Variants in CCDC83 observed in about 807,000 individuals in gnomAD.
CCDC83 encodes coiled-coil domain-containing protein 83.
In CCDC83, 54 loss-of-function variants were observed where a neutral mutation model predicts 50.1. The observed-to-expected ratio is 1.08, with a 90% CI of 0.87 to 1.35. The LOEUF (loss-of-function observed/expected upper bound fraction) is 1.35, where lower values mean the gene tolerates loss of function less well. CCDC83 is among the 40% of genes most tolerant of loss of function. CCDC83 has a pLI of 0.00. For missense variants in CCDC83, 518 were observed against 473.9 expected (o/e 1.09, Z -0.86); for synonymous variants, 161 against 153.3 (o/e 1.05, Z -0.37).
intron 3 of CCDC83, among the ~76,000 whole-genome samples, chr11:85,880,208 A>G (rs1279483107): frequency 6.6e-6 from 1 of 152,202 alleles, no homozygotes; most frequent in East Asian, 1.9e-4. Flanking sequence ...AAATTGGGAT[A>G]TCTTTACTAT....
intron 3 of CCDC83, among the ~76,000 whole-genome samples, chr11:85,882,170 G>A (rs1344977927): frequency 6.6e-6 from 1 of 151,922 alleles, no homozygotes; most frequent in African/African-American, 2.4e-5. Context: ...TAAAATGTCA[G>A]CCACCTTAGT....
chr11:85,873,664 T>C (rs1337895433), intron 3 of CCDC83, among the ~76,000 whole-genome samples: 1 of 152,232 alleles, frequency 6.6e-6, no homozygotes, highest in Non-Finnish European at 1.5e-5. Flanking sequence ...TTTTAGATTT[T>C]CAGAGAGTAT....
intron 8 of CCDC83, among the ~76,000 whole-genome samples, chr11:85,911,652 A>G (rs957669224): frequency 6.6e-6 from 1 of 152,212 alleles, no homozygotes; most frequent in African/African-American, 2.4e-5. Context: ...TAACATGAAC[A>G]TCATAACTGC....
intron 10 of CCDC83, chr11:85,918,029 T>G (rs998458041): frequency 6.6e-6 from 1 of 152,240 alleles, no homozygotes; most frequent in Non-Finnish European, 1.5e-5. Context: ...TCTACTATCT[T>G]ACATTTATCA....
chr11:85,866,490 C>T (rs1474598946), intron 2 of CCDC83, among the ~76,000 whole-genome samples: 2 of 152,024 alleles, frequency 1.3e-5, no homozygotes, highest in African/African-American at 4.8e-5. Flanking sequence ...TGAGATCAGC[C>T]TGAGTAACAT....
chr11:85,916,864 A>G (rs1387892907), intron 10 of CCDC83: 1 of 152,472 alleles, frequency 6.6e-6, no homozygotes, highest in Admixed American at 6.6e-5. Flanking sequence ...TAACCCCAGC[A>G]CTTTGGGAAG....
At chr11:85,906,722 A>G (rs2093427165) in intron 7 of CCDC83, among the ~76,000 whole-genome samples, 1 of 151,144 alleles carries the variant, frequency 6.6e-6, no homozygotes, top group South Asian at 2.1e-4. Context: ...CTACAAAAAA[A>G]AAATTTTTTT....
chr11:85,911,463 GTTTTT>G, intron 8 of CCDC83, 61 bp downstream of exon 8: 1 of 1,415,648 alleles, frequency 7.1e-7, no homozygotes, highest in Admixed American at 2.6e-5. Flanking sequence ...GTAAAAAGTT[GTTTTT>G]TTAAAACAAA....
Position 85,899,027 on chromosome 11 carries a change from T to G in CCDC83, c.672+12T>G. On this transcript the variant is annotated intron_variant, in intron 7 of 10. Transcript: ENST00000342404. ...GGCTCAAAAAAGAGGTAAGTGGAAT[T>G]TATCAAAACAAACAATTTCTTCGTT... 6.3e-7 allele frequency: 1 copy of G among 1,584,828 alleles called. No homozygotes were observed. Among genetic ancestry groups the G allele is most frequent in the East Asian group, 2.2e-5 (1 of 44,660 alleles).
intron 8 of CCDC83, among the ~76,000 whole-genome samples, chr11:85,914,988 G>A (rs1241591501): frequency 6.6e-6 from 1 of 152,146 alleles, no homozygotes; most frequent in African/African-American, 2.4e-5. Flanking sequence ...ACTAACACGA[G>A]AACAGCATGG....
chr11:85,917,120 AAAAAAG>A lies in CCDC83; in HGVS notation c.1080+897_1080+902del, dbSNP rs1447032536. The stretch of plus-strand genomic sequence containing the variant: ...AGCGAGACTCTGAAAAGAAAGAAAG[AAAAAAG>A]AAAAAGAAAGAGAGAGAGAGAGAGA... On this transcript the variant is annotated intron_variant, in intron 10 of 10. Transcript: ENST00000342404. Among the ~76,000 whole-genome samples, 129 of 127,806 alleles carry A rather than the reference AAAAAAG, an allele frequency of 1.0e-3. 2 individuals are homozygous for A. The highest frequency in any genetic ancestry group is 4.0e-3 in the African/African-American group (122 of 30,706). 83.8% of individuals were successfully genotyped at this position (127,806 alleles called of 152,430 possible).
At chr11:85,880,854 A>G (rs2093295722) in intron 3 of CCDC83, among the ~76,000 whole-genome samples, 2 of 152,204 alleles carry the variant, frequency 1.3e-5, no homozygotes, top group Admixed American at 6.5e-5. Flanking sequence ...GAATATCTGC[A>G]TATACAGAAT....
At position 85,872,086 on chromosome 11, in the gene CCDC83, A is replaced by G. The variant is rs1426735443; in HGVS notation, c.96-1125A>G. Among the ~76,000 whole-genome samples, 4 of 152,036 alleles carry G rather than the reference A, an allele frequency of 2.6e-5. 1 individual carries two copies. Among genetic ancestry groups the G allele is most frequent in the Non-Finnish European group, 5.9e-5 (4 of 67,982 alleles). ...TCATGCCTCAGCCTCCCGAGTAGCTAGAACTACAGGCATTCACCTCCACAC... is the reference window on the plus strand; with the variant it reads ...TCATGCCTCAGCCTCCCGAGTAGCTGGAACTACAGGCATTCACCTCCACAC... On this transcript the variant is annotated intron_variant, in intron 2 of 10. Transcript: ENST00000342404.
chr11:85,874,764 AAT>A (rs1748948527), intron 3 of CCDC83, among the ~76,000 whole-genome samples: 1 of 152,224 alleles, frequency 6.6e-6, no homozygotes, highest in South Asian at 2.1e-4. Context: ...TGCCAGGTCT[AAT>A]AGACTCTTCT....
chr11:85,912,532 T>G, intron 8 of CCDC83: 1 of 702,408 alleles, frequency 1.4e-6, no homozygotes, highest in East Asian at 2.5e-5. Context: ...GATTGATTAC[T>G]GAACTCCTGT....
intron 10 of CCDC83, among the ~76,000 whole-genome samples, chr11:85,917,166 G>GAGAGAA (rs756949334): frequency 0.043 from 2,674 of 61,976 alleles, 78 homozygotes; most frequent in East Asian, 0.11. Context: ...GAGAGAGAGA[G>GAGAGAA]AGAAAGAAAG....
intron 7 of CCDC83, among the ~76,000 whole-genome samples, chr11:85,900,562 G>T (rs992966395): frequency 2.0e-5 from 3 of 152,060 alleles, no homozygotes; most frequent in African/African-American, 7.2e-5. Flanking sequence ...TTTACACAGT[G>T]GTGGGGAAAA....
chr11:85,879,357 T>C (rs948936764), intron 3 of CCDC83, among the ~76,000 whole-genome samples: 3 of 152,152 alleles, frequency 2.0e-5, no homozygotes, highest in Admixed American at 1.3e-4. Flanking sequence ...TACCTGCAGA[T>C]GTCCAGTTGC....
intron 7 of CCDC83, among the ~76,000 whole-genome samples, chr11:85,910,093 G>A (rs2093446366): frequency 6.6e-6 from 1 of 152,158 alleles, no homozygotes; most frequent in South Asian, 2.1e-4. Context: ...TCCTGTGTCT[G>A]CCCAGGGAGT....
Sources: gnomAD v4.1 joint callset for allele counts (sites outside exome capture counted in the v4.1 genomes callset) on GRCh38, gnomAD v4.1.1 for gene constraint, MANE v1.5 for transcripts, NCBI Gene and HGNC (gene_info 2026-07-23, HGNC 2026-07-21) for gene names.